Variants in XKR9 observed in about 807,000 individuals in gnomAD.
XKR9 encodes the protein XK related 9.
A neutral mutation model predicts 32.0 loss-of-function variants in XKR9; 32 were observed. That is an observed-to-expected ratio of 1.00 (90% CI 0.76 to 1.34). The LOEUF (loss-of-function observed/expected upper bound fraction) is 1.34, where lower values mean the gene tolerates loss of function less well. Among genes scored for constraint, XKR9 ranks in the 40% most tolerant of loss-of-function variants. The pLI, the probability that XKR9 is intolerant of heterozygous loss-of-function variation, is 0.00. For missense variants in XKR9, 546 were observed against 429.7 expected (o/e 1.27, Z -2.39); for synonymous variants, 168 against 143.4 (o/e 1.17, Z -1.22).
At chr8:70,763,988 C>G (rs115127434) in intron 2 of XKR9, among the ~76,000 whole-genome samples, 1 of 152,286 alleles carries the variant, frequency 6.6e-6, no homozygotes, top group African/African-American at 2.4e-5. Context: ...ATGGATTTAC[C>G]TTGACTCTCA....
intron 2 of XKR9, among the ~76,000 whole-genome samples, chr8:70,776,657 G>A (rs888704547): frequency 6.6e-6 from 1 of 151,992 alleles, no homozygotes; most frequent in Admixed American, 6.6e-5. Flanking sequence ...GGTTCTCCTT[G>A]TAGGCTGGAG....
intron 4 of XKR9, among the ~76,000 whole-genome samples, chr8:70,716,380 G>A (rs552796822): frequency 1.3e-5 from 2 of 152,054 alleles, no homozygotes; most frequent in Non-Finnish European, 2.9e-5. Context: ...CCCGAGACTG[G>A]GTAATTTATA....
chr8:70,898,606 T>TG, the XKR9 span, among the ~76,000 whole-genome samples: 1 of 152,220 alleles, frequency 6.6e-6, no homozygotes, highest in Non-Finnish European at 1.5e-5. Context: ...ATGTTTTGTG[T>TG]AAGTTTCACA....
At chr8:70,807,599 C>G in the XKR9 span, among the ~76,000 whole-genome samples, 4 of 152,032 alleles carry the variant, frequency 2.6e-5, no homozygotes, top group Non-Finnish European at 5.9e-5. Flanking sequence ...GCAAAAAAGG[C>G]AGGGCTTGCA....
chr8:71,053,957 C>T, the XKR9 span, among the ~76,000 whole-genome samples: 1 of 152,184 alleles, frequency 6.6e-6, no homozygotes, highest in East Asian at 1.9e-4. Context: ...TGTTTTCAGG[C>T]ATTTTGTTCA....
At chr8:70,750,462 C>A (rs1807124057) in intron 2 of XKR9, among the ~76,000 whole-genome samples, 1 of 152,148 alleles carries the variant, frequency 6.6e-6, no homozygotes, top group African/African-American at 2.4e-5. Context: ...TAATAAATAT[C>A]TGTTAAATAA....
At chr8:70,834,386 A>G in the XKR9 span, among the ~76,000 whole-genome samples, 1 of 152,036 alleles carries the variant, frequency 6.6e-6, no homozygotes, top group African/African-American at 2.4e-5. Context: ...TTTAATATAG[A>G]CCAGATTCAT....
chr8:70,789,873 T>C (rs1052282859), intron 3 of XKR9, among the ~76,000 whole-genome samples: 1 of 151,998 alleles, frequency 6.6e-6, no homozygotes, highest in Non-Finnish European at 1.5e-5. Flanking sequence ...TGGCAGGCAA[T>C]GCCAATGCCA....
At chr8:70,797,222 C>T in the XKR9 span, among the ~76,000 whole-genome samples, 1 of 152,062 alleles carries the variant, frequency 6.6e-6, no homozygotes, top group African/African-American at 2.4e-5. Flanking sequence ...CACACACACA[C>T]ATGCACATTT....
chr8:70,699,550 C>T (rs181968235), intron 3 of XKR9, among the ~76,000 whole-genome samples: 12 of 152,192 alleles, frequency 7.9e-5, no homozygotes, highest in Non-Finnish European at 1.6e-4. Flanking sequence ...GCTGAGAGAT[C>T]TGCTGTTAGT....
the XKR9 span, among the ~76,000 whole-genome samples, chr8:70,809,627 A>G: frequency 6.6e-6 from 1 of 152,256 alleles, no homozygotes; most frequent in Non-Finnish European, 1.5e-5. Flanking sequence ...AAACCACGGC[A>G]TGAGAACTAC....
the XKR9 span, among the ~76,000 whole-genome samples, chr8:71,065,075 A>T: frequency 2.0e-4 from 30 of 152,210 alleles, no homozygotes; most frequent in Non-Finnish European, 4.3e-4. Context: ...TAACTTTTAA[A>T]TAAGACATAA....
chr8:70,906,241 G>A, the XKR9 span, among the ~76,000 whole-genome samples: 1 of 152,216 alleles, frequency 6.6e-6, no homozygotes, highest in South Asian at 2.1e-4. Flanking sequence ...AGTCTGCAGA[G>A]GCAGGCAGGC....
intron 2 of XKR9, among the ~76,000 whole-genome samples, chr8:70,767,860 CT>C (rs1352225874): frequency 1.3e-5 from 2 of 152,020 alleles, no homozygotes; most frequent in African/African-American, 2.4e-5. Flanking sequence ...TTTTGTTAAT[CT>C]TTTCAAAAAT....
chr8:70,781,550 CAA>C (rs371263868), intron 2 of XKR9, among the ~76,000 whole-genome samples: 37 of 137,052 alleles, frequency 2.7e-4, no homozygotes, highest in African/African-American at 5.9e-4. Flanking sequence ...ACCCCATCTC[CAA>C]AAAAAAAAAA....
At chr8:70,824,455 T>C in the XKR9 span, among the ~76,000 whole-genome samples, 1 of 152,170 alleles carries the variant, frequency 6.6e-6, no homozygotes, top group East Asian at 1.9e-4. Flanking sequence ...AAAATCCTAT[T>C]CCTAAATTTT....
the XKR9 span, among the ~76,000 whole-genome samples, chr8:70,937,563 A>T: frequency 1.2e-4 from 18 of 152,170 alleles, no homozygotes; most frequent in African/African-American, 3.9e-4. Context: ...TGTGCAATTG[A>T]CTAAAGAATG....
intron 2 of XKR9, among the ~76,000 whole-genome samples, chr8:70,752,197 A>G (rs1391594886): frequency 1.3e-5 from 2 of 152,224 alleles, no homozygotes; most frequent in African/African-American, 4.8e-5. Flanking sequence ...TATGAATGGA[A>G]TCATATAGGA....
the XKR9 span, among the ~76,000 whole-genome samples, chr8:70,851,404 A>T: frequency 2.0e-5 from 3 of 152,206 alleles, no homozygotes; most frequent in Non-Finnish European, 4.4e-5. Flanking sequence ...GCTACCATTG[A>T]CTTTCTTCAC....
Sources: gnomAD v4.1 joint callset for allele counts (sites outside exome capture counted in the v4.1 genomes callset) on GRCh38, gnomAD v4.1.1 for gene constraint, MANE v1.5 for transcripts, NCBI Gene and HGNC (gene_info 2026-07-23, HGNC 2026-07-21) for gene names.